Variants in SLC24A3 observed in about 807,000 individuals in gnomAD.
SLC24A3 encodes sodium/potassium/calcium exchanger 3.
SLC24A3 carries 28 observed loss-of-function variants against 75.8 expected under a neutral mutation model. That is an observed-to-expected ratio of 0.37 (90% CI 0.27 to 0.51). SLC24A3 has a LOEUF of 0.51. SLC24A3 is among the 20% of genes least tolerant of loss of function. The probability of loss-of-function intolerance (pLI) is 0.94; values close to 1 mark genes in which losing one functional copy is unlikely to be tolerated. For synonymous variants in SLC24A3, 372 were observed against 334.1 expected (o/e 1.11, Z -1.24); for missense variants, 663 against 847.8 (o/e 0.78, Z 2.71).
chr20:19,656,768 T>G (rs2032272173), intron 7 of SLC24A3, among the ~76,000 whole-genome samples: 1 of 152,186 alleles, frequency 6.6e-6, no homozygotes, highest in South Asian at 2.1e-4. Flanking sequence ...AGCACAGACT[T>G]AACCACACAC....
chr20:19,643,695 C>CT (rs2032101037), intron 6 of SLC24A3, among the ~76,000 whole-genome samples: 1 of 152,172 alleles, frequency 6.6e-6, no homozygotes, highest in Non-Finnish European at 1.5e-5. Flanking sequence ...GATGCATAGT[C>CT]TTAACTGTCT....
intron 2 of SLC24A3, among the ~76,000 whole-genome samples, chr20:19,344,746 T>C (rs1985350541): frequency 6.6e-6 from 1 of 152,166 alleles, no homozygotes; most frequent in African/African-American, 2.4e-5. Flanking sequence ...TCCCCAGCAC[T>C]CCTGGCTTCT....
At chr20:19,380,150 A>G (rs1986156591) in intron 2 of SLC24A3, among the ~76,000 whole-genome samples, 1 of 152,208 alleles carries the variant, frequency 6.6e-6, no homozygotes, top group Admixed American at 6.5e-5. Context: ...AGATGGCACA[A>G]CAGGTCTAGG....
intron 15 of SLC24A3, among the ~76,000 whole-genome samples, chr20:19,711,565 C>T (rs1288031248): frequency 2.0e-5 from 3 of 152,196 alleles, no homozygotes; most frequent in Non-Finnish European, 4.4e-5. Flanking sequence ...CAGGCAAACG[C>T]ACACACGTGC....
intron 2 of SLC24A3, among the ~76,000 whole-genome samples, chr20:19,499,514 G>A (rs756989903): frequency 3.3e-5 from 5 of 152,142 alleles, no homozygotes; most frequent in Admixed American, 6.5e-5. Flanking sequence ...GAGTGCAGTG[G>A]TTCTATCCTC....
At chr20:19,343,065 A>T (rs1985306627) in intron 2 of SLC24A3, among the ~76,000 whole-genome samples, 1 of 113,056 alleles carries the variant, frequency 8.8e-6, no homozygotes, top group Non-Finnish European at 1.7e-5. Flanking sequence ...ACGAGACTCC[A>T]TCTCAAAAAA....
intron 15 of SLC24A3, among the ~76,000 whole-genome samples, chr20:19,713,144 A>G (rs2033008079): frequency 6.6e-6 from 1 of 152,186 alleles, no homozygotes; most frequent in Non-Finnish European, 1.5e-5. Flanking sequence ...TTGTGAATGA[A>G]CTCTACTTAA....
intron 2 of SLC24A3, among the ~76,000 whole-genome samples, chr20:19,338,575 C>A (rs956976131): frequency 6.6e-6 from 1 of 152,146 alleles, no homozygotes; most frequent in Non-Finnish European, 1.5e-5. Context: ...GATCACAATG[C>A]CTGTTCTATT....
At chr20:19,607,167 C>G (rs1408657745) in intron 6 of SLC24A3, among the ~76,000 whole-genome samples, 1 of 152,186 alleles carries the variant, frequency 6.6e-6, no homozygotes, top group African/African-American at 2.4e-5. Context: ...TTAGACTCCC[C>G]ATAGTTCTTT....
At chr20:19,314,392 C>A (rs1984533970) in intron 2 of SLC24A3, among the ~76,000 whole-genome samples, 1 of 151,546 alleles carries the variant, frequency 6.6e-6, no homozygotes, top group African/African-American at 2.4e-5. Context: ...CGGCTCACTG[C>A]AACCTTGACT....
intron 2 of SLC24A3, among the ~76,000 whole-genome samples, chr20:19,426,750 G>C (rs1987013016): frequency 6.6e-6 from 1 of 152,156 alleles, no homozygotes; most frequent in Admixed American, 6.5e-5. Flanking sequence ...CTTGGGGAAT[G>C]GATTTGAGAG....
chr20:19,483,861 T>A (rs1988092569), intron 2 of SLC24A3, among the ~76,000 whole-genome samples: 2 of 152,290 alleles, frequency 1.3e-5, no homozygotes, highest in African/African-American at 4.8e-5. Flanking sequence ...AATTCTGTGA[T>A]GAGCTTGAGT....
At chr20:19,436,712 C>G (rs1568617578) in intron 2 of SLC24A3, among the ~76,000 whole-genome samples, 1 of 152,160 alleles carries the variant, frequency 6.6e-6, no homozygotes, top group Non-Finnish European at 1.5e-5. Context: ...ATCTCAGCTT[C>G]TAGGGATAAT....
intron 6 of SLC24A3, among the ~76,000 whole-genome samples, chr20:19,648,251 C>T (rs1197203289): frequency 6.6e-6 from 1 of 152,212 alleles, no homozygotes; most frequent in Non-Finnish European, 1.5e-5. Context: ...GCCCCATCCT[C>T]ACTGCAGATC....
At chr20:19,283,938 C>T (rs925054275) in intron 2 of SLC24A3, among the ~76,000 whole-genome samples, 1 of 152,196 alleles carries the variant, frequency 6.6e-6, no homozygotes, top group African/African-American at 2.4e-5. Context: ...GCGAGTCTGT[C>T]AGCAGGCCAC....
intron 6 of SLC24A3, among the ~76,000 whole-genome samples, chr20:19,628,482 A>G (rs1270159554): frequency 6.6e-6 from 1 of 152,154 alleles, no homozygotes; most frequent in African/African-American, 2.4e-5. Context: ...AGGGAAGAAC[A>G]TTTGTTGGAC....
intron 2 of SLC24A3, among the ~76,000 whole-genome samples, chr20:19,382,966 T>C (rs1986207595): frequency 6.6e-6 from 1 of 152,168 alleles, no homozygotes; most frequent in Non-Finnish European, 1.5e-5. Flanking sequence ...GTATTTTCCA[T>C]CCATTTTTGA....
chr20:19,550,231 A>G (rs1280200444), intron 3 of SLC24A3, among the ~76,000 whole-genome samples: 1 of 152,188 alleles, frequency 6.6e-6, no homozygotes, highest in African/African-American at 2.4e-5. Context: ...CCTTTTTTCT[A>G]CACTCTTAAT....
At chr20:19,563,151 A>T (rs1327984457) in intron 3 of SLC24A3, among the ~76,000 whole-genome samples, 3 of 152,210 alleles carry the variant, frequency 2.0e-5, no homozygotes, top group African/African-American at 7.2e-5. Flanking sequence ...ACAAAAAGCC[A>T]TCCCCTCTAC....
Sources: allele counts gnomAD v4.1 joint callset (sites outside exome capture counted in the v4.1 genomes callset), GRCh38; gene constraint gnomAD v4.1.1; transcripts MANE v1.5; gene names NCBI Gene and HGNC (gene_info 2026-07-23, HGNC 2026-07-21).